The following CLEC6A variants were observed in gnomAD, a reference collection of about 807,000 sequenced individuals.
CLEC6A encodes C-type lectin domain containing 6A, also known as C-type lectin domain family 6 member A.
A neutral mutation model predicts 25.7 loss-of-function variants in CLEC6A; 22 were observed. The observed-to-expected ratio is 0.85, with a 90% CI of 0.61 to 1.22. The LOEUF is 1.22. Among genes scored for constraint, CLEC6A ranks in the 50% most tolerant of loss-of-function variants. CLEC6A has a pLI of 0.00. For missense variants in CLEC6A, 240 were observed against 236.8 expected (o/e 1.01, Z -0.09); for synonymous variants, 92 against 76.7 (o/e 1.20, Z -1.04).
At chr12:8,457,044 A>G (rs1939685601) in intron 1 of CLEC6A, among the ~76,000 whole-genome samples, 2 of 151,584 alleles carry the variant, frequency 1.3e-5, no homozygotes, top group Non-Finnish European at 2.9e-5. Flanking sequence ...CAGGAGGTGG[A>G]GGTTGCAGGG....
At chr12:8,457,627 C>T (rs4638374) in intron 1 of CLEC6A, among the ~76,000 whole-genome samples, 4 of 152,000 alleles carry the variant, frequency 2.6e-5, no homozygotes, top group Non-Finnish European at 4.4e-5. Context: ...TTTTGAGAAA[C>T]GAAATCAATG....
At chr12:8,457,550 C>T (rs1361242907) in intron 1 of CLEC6A, among the ~76,000 whole-genome samples, 13 of 152,080 alleles carry the variant, frequency 8.5e-5, no homozygotes, top group African/African-American at 2.9e-4. Context: ...GTGCAGATAT[C>T]TCTTGGATAT....
intron 2 of CLEC6A, 117 bp downstream of exon 2, chr12:8,458,104 C>T (rs753449262): frequency 1.4e-5 from 9 of 632,052 alleles, no homozygotes; most frequent in South Asian, 1.4e-4. Flanking sequence ...ACTTGGAATG[C>T]CACACTTTCC....
rs1333384146 is a variant in CLEC6A at position 8,465,523 on chromosome 12, C to G, written c.263C>G (p.Ser88Cys). The G allele has an allele frequency of 8.7e-6, 14 of 1,613,708 alleles. No homozygotes were observed. Among genetic ancestry groups the G allele is most frequent in the Non-Finnish European group, 1.2e-5 (14 of 1,179,866 alleles). ...CCPASWKSFG[S>C]SCYFISSEEK... ...CCAGCTTCTTGGAAGTCATTTGGTT[C>G]CAGTTGCTACTTCATTTCCAGTGAA... Residue 88 changes from serine to cysteine, a missense_variant, in exon 4 of 6, where the codon TCC (serine) becomes TGC (cysteine). Physicochemically the swap from Ser to Cys is moderately radical, Grantham distance 112. Coordinates refer to ENST00000382073, the MANE Select transcript of CLEC6A (RefSeq NM_001007033.2).
At chr12:8,476,354 C>G (rs933271243) in intron 5 of CLEC6A, 114 bp downstream of exon 5, 1 of 699,790 alleles carries the variant, frequency 1.4e-6, no homozygotes, top group African/African-American at 1.8e-5. Context: ...AATTATTAAG[C>G]ATTACTAAGG....
Position 8,477,472 on chromosome 12 carries a change from C to T in CLEC6A, c.*8C>T, listed in dbSNP as rs1939992576. The stretch of plus-strand genomic sequence containing the variant: ...AATAAGATTTACCTATGAGTAGAAG[C>T]TTAATTGGAAAGAAGAGAAGAATTA... On this transcript the variant is annotated 3_prime_UTR_variant, in exon 6 of 6. Coordinates refer to ENST00000382073, the MANE Select transcript of CLEC6A (RefSeq NM_001007033.2). 4 of 1,586,194 alleles carry T rather than the reference C, an allele frequency of 2.5e-6. No individual in the cohort carries two copies. The African/African-American group carries it at 4.1e-5, about 16-fold the overall frequency.
intron 3 of CLEC6A, among the ~76,000 whole-genome samples, chr12:8,464,836 A>G (rs1231301814): frequency 6.6e-6 from 1 of 152,220 alleles, no homozygotes; most frequent in Non-Finnish European, 1.5e-5. Context: ...TAAGATGCTT[A>G]AAGCATTTAA....
chr12:8,457,859 C>T, intron 1 of CLEC6A, 39 bp from the exon 2 acceptor site: 4 of 1,496,388 alleles, frequency 2.7e-6, no homozygotes, highest in Non-Finnish European at 3.7e-6. Context: ...GCTCCCTGGC[C>T]CCCTGGTAAC....
chr12:8,476,806 G>A (rs989288841), intron 5 of CLEC6A, among the ~76,000 whole-genome samples: 3 of 152,040 alleles, frequency 2.0e-5, no homozygotes, highest in Non-Finnish European at 4.4e-5. Context: ...ATCAAAATGA[G>A]TGAGTATCAA....
Position 8,469,981 on chromosome 12 carries a change from G to C in CLEC6A, c.369+4352G>C, listed in dbSNP as rs770046083. ...CTTTGCACAGCAAAAGAAATAATCA[G>C]CAGAGTAAACAGACAACACACAAAG... On this transcript the variant is annotated intron_variant, in intron 4 of 5. Transcript: ENST00000382073. Among the ~76,000 whole-genome samples the C allele has an allele frequency of 9.2e-5, 14 of 152,216 alleles. No individual in the cohort carries two copies. In the South Asian group the frequency reaches 1.9e-3, roughly 20 times the overall value.
chr12:8,459,723 G>A, intron 3 of CLEC6A, 25 bp downstream of exon 3: 1 of 1,467,458 alleles, frequency 6.8e-7, no homozygotes, highest in Non-Finnish European at 9.6e-7. Flanking sequence ...TACTGAAATA[G>A]ACTTTCTTTT....
intron 4 of CLEC6A, among the ~76,000 whole-genome samples, chr12:8,469,632 A>T (rs770212209): frequency 6.6e-6 from 1 of 152,090 alleles, no homozygotes; most frequent in Non-Finnish European, 1.5e-5. Flanking sequence ...AATAAAGCCA[A>T]ATATTTACAG....
intron 1 of CLEC6A, among the ~76,000 whole-genome samples, chr12:8,456,382 C>A (rs1013456556): frequency 6.6e-6 from 1 of 152,088 alleles, no homozygotes; most frequent in Non-Finnish European, 1.5e-5. Context: ...TTTAGGGAGA[C>A]AGAAAAGATT....
At chr12:8,468,857 A>G (rs1939869906) in intron 4 of CLEC6A, among the ~76,000 whole-genome samples, 1 of 152,112 alleles carries the variant, frequency 6.6e-6, no homozygotes, top group African/African-American at 2.4e-5. Flanking sequence ...AGTTAAAATC[A>G]TTCCCCCTGA....
chr12:8,462,666 C>T (rs1939777258), intron 3 of CLEC6A, among the ~76,000 whole-genome samples: 1 of 151,236 alleles, frequency 6.6e-6, no homozygotes, highest in Non-Finnish European at 1.5e-5. Flanking sequence ...ACCTTCTCTC[C>T]ACTATTATCT....
chr12:8,456,246 G>A, intron 1 of CLEC6A, 104 bp downstream of exon 1: 1 of 1,088,220 alleles, frequency 9.2e-7, no homozygotes, highest in Non-Finnish European at 1.4e-6. Flanking sequence ...CTAGTGATTG[G>A]ACCAATATAG....
At chr12:8,465,650 T>A in intron 4 of CLEC6A, 21 bp downstream of exon 4, 1 of 1,597,926 alleles carries the variant, frequency 6.3e-7, no homozygotes, top group Non-Finnish European at 8.5e-7. Context: ...CATTTAAAAT[T>A]TATTTAATTG....
intron 3 of CLEC6A, among the ~76,000 whole-genome samples, chr12:8,464,112 A>G (rs2136359751): frequency 6.6e-6 from 1 of 152,364 alleles, no homozygotes; most frequent in East Asian, 1.9e-4. Context: ...CAAATAATAT[A>G]GGTATGGTTA....
chr12:8,466,125 A>T (rs968679536), intron 4 of CLEC6A, among the ~76,000 whole-genome samples: 6 of 152,192 alleles, frequency 3.9e-5, no homozygotes, highest in Non-Finnish European at 7.3e-5. Flanking sequence ...AGTAGTATAT[A>T]TTTAAGGTGT....
Sources: allele counts gnomAD v4.1 joint callset (sites outside exome capture counted in the v4.1 genomes callset), GRCh38; gene constraint gnomAD v4.1.1; transcripts MANE v1.5; gene names NCBI Gene and HGNC (gene_info 2026-07-23, HGNC 2026-07-21).